The following VPS53 variants were observed in gnomAD, a reference collection of about 807,000 sequenced individuals.
VPS53 encodes the protein vacuolar protein sorting-associated protein 53 homolog.
A neutral mutation model predicts 107.0 loss-of-function variants in VPS53; 70 were observed. The observed-to-expected ratio is 0.65, with a 90% CI of 0.54 to 0.80. The LOEUF is 0.80. Ranked by LOEUF, VPS53 falls within the 30% of genes least tolerant of loss-of-function variation. VPS53 has a pLI of 0.00. For missense variants in VPS53, 917 were observed against 1,049.4 expected (o/e 0.87, Z 1.74); for synonymous variants, 409 against 393.3 (o/e 1.04, Z -0.47).
At position 615,170 on chromosome 17, in the gene VPS53, AG is replaced by A. The variant is rs558657255; in HGVS notation, c.1116+8362del. On this transcript the variant is annotated intron_variant, in intron 11 of 21. Coordinates refer to ENST00000437048, the MANE Select transcript of VPS53 (RefSeq NM_001128159.3). ...ATAGACTCTCTTGAATTCCTCCTAAAGGGTCAGAAGTTGAGGCAACTGGGAA... is the reference window on the plus strand; with the variant it reads ...ATAGACTCTCTTGAATTCCTCCTAAAGGTCAGAAGTTGAGGCAACTGGGAA... Among the ~76,000 whole-genome samples, 340 of 152,328 alleles carry A rather than the reference AG, an allele frequency of 2.2e-3. 1 individual carries two copies. Among genetic ancestry groups the A allele is most frequent in the African/African-American group, 7.8e-3 (325 of 41,570 alleles).
chr17:606,727 C>G (rs1968599471), intron 11 of VPS53, among the ~76,000 whole-genome samples: 1 of 152,174 alleles, frequency 6.6e-6, no homozygotes, highest in African/African-American at 2.4e-5. Flanking sequence ...CGCCTCCTGT[C>G]AGGTCTCATA....
At chr17:596,363 A>G (rs909763402) in intron 12 of VPS53, among the ~76,000 whole-genome samples, 4 of 152,200 alleles carry the variant, frequency 2.6e-5, no homozygotes, top group African/African-American at 9.6e-5. Context: ...CATCTTGTTC[A>G]GTCTGCCACA....
intron 12 of VPS53, among the ~76,000 whole-genome samples, chr17:598,151 C>G (rs1283680206): frequency 6.6e-6 from 1 of 152,224 alleles, no homozygotes; most frequent in Middle Eastern, 3.2e-3. Context: ...TTGGTGGAGA[C>G]GGGGTTTCGC....
In VPS53 at chr17:541,210, G is replaced by A. The variant is rs147590924; in HGVS notation, c.1867-4034C>T. ...CACGCTCACTCTCACTCTGATGCCT[G>A]GTGGGGCTTTCACTCCCGCAGCATC... On this transcript the variant is annotated intron_variant, in intron 17 of 21. Transcript: ENST00000437048. Among the ~76,000 whole-genome samples, 466 of 152,290 alleles carry A rather than the reference G, an allele frequency of 3.1e-3. 5 individuals are homozygous for A. Among genetic ancestry groups the A allele is most frequent in the African/African-American group, 6.1e-3 (253 of 41,562 alleles).
chr17:535,025 A>G (rs1173833023), intron 18 of VPS53, among the ~76,000 whole-genome samples: 3 of 152,100 alleles, frequency 2.0e-5, no homozygotes, highest in Non-Finnish European at 4.4e-5. Context: ...CCTGTGGGGA[A>G]AAAACCAAGC....
At chr17:587,222 C>T (rs954268516) in intron 12 of VPS53, among the ~76,000 whole-genome samples, 10 of 152,088 alleles carry the variant, frequency 6.6e-5, no homozygotes, top group South Asian at 4.1e-4. Flanking sequence ...GCCACCACAC[C>T]GAGCTAATTT....
chr17:541,207 C>G (rs998762022), intron 17 of VPS53, among the ~76,000 whole-genome samples: 8 of 152,184 alleles, frequency 5.3e-5, no homozygotes, highest in Admixed American at 1.3e-4. Context: ...CACTCTGATG[C>G]CTGGTGGGGC....
chr17:566,620 G>T (rs1269270597), intron 13 of VPS53, among the ~76,000 whole-genome samples: 1 of 152,210 alleles, frequency 6.6e-6, no homozygotes, highest in East Asian at 1.9e-4. Context: ...AGGAGAACAT[G>T]GAACAGAAGG....
At chr17:698,955 G>C (rs1319275447) in intron 3 of VPS53, among the ~76,000 whole-genome samples, 1 of 151,770 alleles carries the variant, frequency 6.6e-6, no homozygotes, top group African/African-American at 2.4e-5. Context: ...ATCACTTGAG[G>C]TCAGGAGTTC....
Position 512,427 on chromosome 17 carries a change from T to C in VPS53, c.*6701A>G, listed in dbSNP as rs2289620. ...ACCTGCAGATCAAGTCTTCTGTGGA[T>C]GCTTCCAATCCCAGGCTGCTTTCAT... is the stretch of plus-strand genomic sequence containing the variant. On this transcript the variant is annotated 3_prime_UTR_variant, in exon 22 of 22. Transcript: ENST00000437048. 90,101 of 152,174 alleles carry C rather than the reference T, an allele frequency of 0.59. 29,468 individuals carry two copies. Among genetic ancestry groups the C allele is most frequent in the African/African-American group, 0.87 (36,026 of 41,528 alleles). 9.4% of individuals were successfully genotyped at this position (152,174 alleles called of 1,614,324 possible).
Position 546,010 on chromosome 17 carries a change from A to C in VPS53, c.1866+5862T>G, listed in dbSNP as rs369191850. ...GGTACTGGCCTGAGGGTGGACATAC[A>C]GATAGATGGAATAGAACTGAGAGTC... On this transcript the variant is annotated intron_variant, in intron 17 of 21. Transcript: ENST00000437048. 5.3e-5 allele frequency among the ~76,000 whole-genome samples: 8 copies of C among 152,222 alleles called. No individual in the cohort carries two copies. The East Asian group carries it at 1.5e-3, about 29-fold the overall frequency.
At chr17:698,246 A>T (rs1973054968) in intron 3 of VPS53, among the ~76,000 whole-genome samples, 1 of 152,168 alleles carries the variant, frequency 6.6e-6, no homozygotes, top group Admixed American at 6.5e-5. Flanking sequence ...CAGCCTGGCC[A>T]ACACAGTGTA....
chr17:647,818 G>A (rs1438244142), intron 7 of VPS53, among the ~76,000 whole-genome samples: 1 of 152,178 alleles, frequency 6.6e-6, no homozygotes, highest in Non-Finnish European at 1.5e-5. Context: ...TCCAAATCCA[G>A]ACAAGAAAAG....
intron 13 of VPS53, among the ~76,000 whole-genome samples, chr17:569,673 T>A (rs80059005): frequency 0.1 from 15,338 of 151,862 alleles, 876 homozygotes; most frequent in East Asian, 0.21. Flanking sequence ...AATCTCAACA[T>A]CTAGGGAGGC....
chr17:572,894 A>T (rs572064361), intron 13 of VPS53, among the ~76,000 whole-genome samples: 1,670 of 151,520 alleles, frequency 0.011, 27 homozygotes, highest in African/African-American at 0.034. Flanking sequence ...AACACTGCGG[A>T]AGGCCTCAGG....
chr17:548,161 C>T (rs545613514), intron 17 of VPS53, among the ~76,000 whole-genome samples: 52 of 152,348 alleles, frequency 3.4e-4, no homozygotes, highest in Non-Finnish European at 6.0e-4. Context: ...GAGTGAGCGG[C>T]AGAAACTGAC....
At chr17:676,962 C>T (rs780427558) in intron 4 of VPS53, among the ~76,000 whole-genome samples, 20 of 151,466 alleles carry the variant, frequency 1.3e-4, no homozygotes, top group Non-Finnish European at 2.2e-4. Context: ...CAAAACAGAA[C>T]GCTTGTGTTA....
At chr17:534,319 A>G (rs1234507510) in intron 18 of VPS53, among the ~76,000 whole-genome samples, 1 of 152,210 alleles carries the variant, frequency 6.6e-6, no homozygotes, top group African/African-American at 2.4e-5. Flanking sequence ...TGCAGTTTCA[A>G]CCAGGCTGTG....
At chr17:662,517 AT>A (rs918946418) in intron 4 of VPS53, among the ~76,000 whole-genome samples, 4 of 151,762 alleles carry the variant, frequency 2.6e-5, no homozygotes, top group Admixed American at 6.6e-5. Flanking sequence ...GTGAAACCCC[AT>A]CTCTACTAAA....
Sources: gnomAD v4.1 joint callset for allele counts (sites outside exome capture counted in the v4.1 genomes callset) on GRCh38, gnomAD v4.1.1 for gene constraint, MANE v1.5 for transcripts, NCBI Gene and HGNC (gene_info 2026-07-23, HGNC 2026-07-21) for gene names.